TRPM3: variants seen among roughly 807,000 people sequenced by gnomAD.
The protein encoded by TRPM3 is long transient receptor potential channel 3.
Under a neutral mutation model 181.2 loss-of-function variants are expected in TRPM3, and 77 were observed. That is an observed-to-expected ratio of 0.42 (90% CI 0.35 to 0.51). The LOEUF (loss-of-function observed/expected upper bound fraction) is 0.51, where lower values mean the gene tolerates loss of function less well. Ranked by LOEUF, TRPM3 falls within the 20% of genes least tolerant of loss-of-function variation. TRPM3 has a pLI of 0.01. For missense variants in TRPM3, 1,759 were observed against 2,196.7 expected (o/e 0.80, Z 3.98); for synonymous variants, 745 against 796.4 (o/e 0.94, Z 1.09).
intron 1 of TRPM3, among the ~76,000 whole-genome samples, chr9:71,281,426 T>C (rs1159875966): frequency 6.6e-6 from 1 of 152,170 alleles, no homozygotes; most frequent in East Asian, 1.9e-4. Context: ...TTTATTCACA[T>C]ATTTTGTTTG....
chr9:70,693,489 T>C (rs1371284768), intron 8 of TRPM3, among the ~76,000 whole-genome samples: 1 of 152,170 alleles, frequency 6.6e-6, no homozygotes, highest in Non-Finnish European at 1.5e-5. Flanking sequence ...TTTTTGACAT[T>C]TTGTCATATT....
chr9:71,328,159 G>GT (rs979335266), intron 1 of TRPM3, among the ~76,000 whole-genome samples: 1 of 151,714 alleles, frequency 6.6e-6, no homozygotes, highest in African/African-American at 2.4e-5. Context: ...TGACCTCTCT[G>GT]TTTTTTGTTT....
intron 1 of TRPM3, among the ~76,000 whole-genome samples, chr9:71,232,468 C>T (rs1352515029): frequency 2.0e-5 from 3 of 147,120 alleles, no homozygotes; most frequent in Non-Finnish European, 4.5e-5. Context: ...TACTCTAACG[C>T]ACATGGAAAT....
chr9:70,622,770 G>C (rs11142512), intron 14 of TRPM3, among the ~76,000 whole-genome samples: 29,481 of 152,070 alleles, frequency 0.19, 3,309 homozygotes, highest in South Asian at 0.29. Context: ...TGAGTAAATG[G>C]TAAGTGTACA....
intron 22 of TRPM3, among the ~76,000 whole-genome samples, chr9:70,581,949 C>G (rs1285282994): frequency 1.0e-5 from 1 of 100,156 alleles, no homozygotes; most frequent in Non-Finnish European, 2.2e-5. Flanking sequence ...TTTTCCTTGT[C>G]TTCTCCTTCC....
At chr9:71,302,437 C>T (rs73649717) in intron 1 of TRPM3, among the ~76,000 whole-genome samples, 3,186 of 152,258 alleles carry the variant, frequency 0.021, 106 homozygotes, top group African/African-American at 0.073. Context: ...TACGCAAGAT[C>T]TGCAATGCAT....
chr9:70,806,066 G>T (rs551622330), intron 6 of TRPM3, among the ~76,000 whole-genome samples: 1 of 152,258 alleles, frequency 6.6e-6, no homozygotes, highest in South Asian at 2.1e-4. Context: ...GTTCCAGCAG[G>T]AATTGCCCAG....
chr9:70,789,753 C>T (rs748731336), intron 6 of TRPM3, among the ~76,000 whole-genome samples: 1 of 152,212 alleles, frequency 6.6e-6, no homozygotes, highest in Non-Finnish European at 1.5e-5. Context: ...GATTTAACAG[C>T]TCTGCGTTCT....
chr9:70,921,942 A>AACACACACACACACAC (rs71367238), intron 1 of TRPM3, among the ~76,000 whole-genome samples: 1,587 of 139,426 alleles, frequency 0.011, 18 homozygotes, highest in East Asian at 0.031. Context: ...CACACAAACA[A>AACACACACACACACAC]ACACACACAC....
intron 1 of TRPM3, among the ~76,000 whole-genome samples, chr9:71,279,197 A>C (rs2084498043): frequency 6.6e-6 from 1 of 152,180 alleles, no homozygotes; most frequent in South Asian, 2.1e-4. Context: ...CCTTTGGCCC[A>C]GCTACTGAGC....
upstream of TRPM3, among the ~76,000 whole-genome samples, chr9:71,123,674 T>C (rs138584554): frequency 4.6e-5 from 7 of 152,318 alleles, no homozygotes; most frequent in African/African-American, 1.7e-4. Context: ...GTTTAATAAA[T>C]GGGGTAAAGA....
At chr9:71,005,551 A>G (rs1295764748) in intron 1 of TRPM3, among the ~76,000 whole-genome samples, 1 of 152,198 alleles carries the variant, frequency 6.6e-6, no homozygotes, top group African/African-American at 2.4e-5. Context: ...AAACATATTC[A>G]ATAGAGTCTC....
chr9:70,780,756 T>C (rs2082277734), intron 7 of TRPM3, among the ~76,000 whole-genome samples: 1 of 152,178 alleles, frequency 6.6e-6, no homozygotes, highest in African/African-American at 2.4e-5. Flanking sequence ...ACTTTTATCA[T>C]AACACTACAT....
chr9:71,306,870 T>TCAA (rs71352369), intron 1 of TRPM3, among the ~76,000 whole-genome samples: 21,662 of 152,080 alleles, frequency 0.14, 1,774 homozygotes, highest in Admixed American at 0.21. Context: ...AGACTCCGTC[T>TCAA]CAACAACAAC....
chr9:70,681,688 T>A, intron 8 of TRPM3, 110 bp from the exon 9 acceptor site: 1 of 919,236 alleles, frequency 1.1e-6, no homozygotes, highest in South Asian at 1.4e-5. Flanking sequence ...CAAAGTAGAT[T>A]CTTAACCACA....
rs759611765 is a variant in TRPM3 at position 70,761,553 on chromosome 9, A to T, written c.1272+48T>A. 1.9e-6 allele frequency: 3 copies of T among 1,613,484 alleles called. No individual in the cohort carries two copies. The African/African-American group carries it at 4.0e-5, about 22-fold the overall frequency. On this transcript the variant is annotated intron_variant, in intron 8 of 25. Transcript: ENST00000677713. ...AGAAAATGTTGTGTGATTCAAGAAAATGACTGAAAATGTGGAGACAGCTGG... is the reference window on the plus strand; with the variant it reads ...AGAAAATGTTGTGTGATTCAAGAAATTGACTGAAAATGTGGAGACAGCTGG...
chr9:70,857,440 G>A (rs1301751717), intron 3 of TRPM3, among the ~76,000 whole-genome samples: 2 of 152,212 alleles, frequency 1.3e-5, no homozygotes, highest in Non-Finnish European at 2.9e-5. Flanking sequence ...GTAAGTTTAC[G>A]AAGACCCCTT....
chr9:70,664,544 T>G (rs2061549085), intron 9 of TRPM3, among the ~76,000 whole-genome samples: 1 of 152,008 alleles, frequency 6.6e-6, no homozygotes, highest in South Asian at 2.1e-4. Flanking sequence ...GGAACTTAAC[T>G]TGAGAGAATT....
At chr9:71,310,225 T>C (rs999621510) in intron 1 of TRPM3, among the ~76,000 whole-genome samples, 2 of 152,058 alleles carry the variant, frequency 1.3e-5, no homozygotes, top group Non-Finnish European at 2.9e-5. Flanking sequence ...TATAATCTAT[T>C]ATGTTGTTAT....
Sources: allele counts gnomAD v4.1 joint callset (sites outside exome capture counted in the v4.1 genomes callset), GRCh38; gene constraint gnomAD v4.1.1; transcripts MANE v1.5; gene names NCBI Gene and HGNC (gene_info 2026-07-23, HGNC 2026-07-21).